Variants in CPE observed in about 807,000 individuals in gnomAD.
CPE encodes carboxypeptidase E, also known as carbocypeptidase E.
CPE carries 17 observed loss-of-function variants against 53.5 expected under a neutral mutation model. The ratio of observed to expected loss-of-function variants is 0.32; its 90% CI spans 0.22 to 0.48. The LOEUF (loss-of-function observed/expected upper bound fraction) is 0.48. Among genes scored for constraint, CPE ranks in the 20% least tolerant of loss-of-function variants. CPE has a pLI of 0.99. For missense variants in CPE, 524 were observed against 614.7 expected (o/e 0.85, Z 1.56); for synonymous variants, 226 against 228.8 (o/e 0.99, Z 0.11).
At chr4:165,487,324 C>T in intron 5 of CPE, 114 bp from the exon 6 acceptor site, 1 of 1,412,132 alleles carries the variant, frequency 7.1e-7, no homozygotes, top group Non-Finnish European at 9.6e-7. Flanking sequence ...CCACAGGCTT[C>T]CCAAATGCCC....
chr4:165,496,414 T>C (rs1732706480), intron 8 of CPE, among the ~76,000 whole-genome samples: 1 of 152,214 alleles, frequency 6.6e-6, no homozygotes, highest in African/African-American at 2.4e-5. Flanking sequence ...TTGGGCTGTA[T>C]ATGTATTAAA....
rs1233798757 is a variant in CPE at position 165,414,684 on chromosome 4, A to AAT, written c.307+35168_307+35169dup. 2.5e-4 allele frequency among the ~76,000 whole-genome samples: 35 copies of AAT among 141,508 alleles called. No homozygotes were observed. In the East Asian group the frequency reaches 3.9e-3, roughly 16 times the overall value. The allele number at this position is 141,508 out of a possible 152,430, so 92.8% of individuals were successfully genotyped here. A position where few individuals can be genotyped will look rare whatever the true frequency, so the allele number is the denominator to read the frequency against. On this transcript the variant is annotated intron_variant, in intron 1 of 8. Coordinates refer to ENST00000402744, the MANE Select transcript of CPE (RefSeq NM_001873.4). The stretch of plus-strand genomic sequence containing the variant: ...GATAACGTAGATATAGAGATAAAGT[A>AAT]ATATATATATATACACACACACACA...
At position 165,484,575 on chromosome 4, in the gene CPE, A is replaced by G; in HGVS notation, c.944A>G (p.Asn315Ser). ...DDSSFVDGTT[N>S]GGAWYSVPGG... Reference sequence around the variant, plus strand: ...AGCAGCTTTGTAGATGGAACCACCAACGGTGGTGCTTGGTACAGCGTACCT... The same window carrying G: ...AGCAGCTTTGTAGATGGAACCACCAGCGGTGGTGCTTGGTACAGCGTACCT... Residue 315 changes from asparagine (N) to serine (S), a missense_variant, in exon 5 of 9, where the codon AAC (asparagine) becomes AGC (serine). Physicochemically the swap from Asn to Ser is conservative, Grantham distance 46. Coordinates refer to ENST00000402744, the MANE Select transcript of CPE (RefSeq NM_001873.4). 1 of 1,614,040 alleles carries G rather than the reference A, an allele frequency of 6.2e-7. No homozygotes were observed. The highest frequency in any genetic ancestry group is 8.5e-7 in the Non-Finnish European group (1 of 1,179,912).
intron 1 of CPE, among the ~76,000 whole-genome samples, chr4:165,424,676 G>A (rs111637050): frequency 0.013 from 1,921 of 151,852 alleles, 29 homozygotes; most frequent in African/African-American, 0.033. Context: ...TGGGATTACA[G>A]GCGCCCGCCA....
chr4:165,464,354 T>C, intron 1 of CPE, 36 bp from the exon 2 acceptor site: 4 of 1,522,422 alleles, frequency 2.6e-6, no homozygotes, highest in South Asian at 1.3e-5. Context: ...CTGTATGTCA[T>C]AGAAAACATC....
intron 1 of CPE, chr4:165,405,960 T>G (rs1730946370): frequency 2.7e-6 from 2 of 732,426 alleles, no homozygotes; most frequent in African/African-American, 1.7e-5. Flanking sequence ...TTTTCAAGTT[T>G]CTCAAATGTT....
intron 1 of CPE, among the ~76,000 whole-genome samples, chr4:165,442,712 C>G (rs74886969): frequency 6.6e-6 from 1 of 152,206 alleles, no homozygotes; most frequent in Non-Finnish European, 1.5e-5. Flanking sequence ...ATTGCCACCA[C>G]TGCAGAAAGT....
intron 1 of CPE, among the ~76,000 whole-genome samples, chr4:165,429,995 T>G (rs17046421): frequency 0.3 from 44,839 of 151,892 alleles, 6,711 homozygotes; most frequent in Middle Eastern, 0.39. Context: ...GCAGGTAATT[T>G]TCATGTACCT....
At chr4:165,491,582 T>C (rs1364363448) in intron 6 of CPE, among the ~76,000 whole-genome samples, 1 of 152,200 alleles carries the variant, frequency 6.6e-6, no homozygotes, top group Non-Finnish European at 1.5e-5. Flanking sequence ...TTATTAGTTA[T>C]GGAGAAAAGT....
chr4:165,427,915 G>A lies in CPE; in HGVS notation c.308-36475G>A, dbSNP rs1219418567. Among the ~76,000 whole-genome samples, 9 of 152,112 alleles carry A rather than the reference G, an allele frequency of 5.9e-5. No homozygotes were observed. In the East Asian group the frequency reaches 1.5e-3, roughly 26 times the overall value. On this transcript the variant is annotated intron_variant, in intron 1 of 8. Transcript: ENST00000402744. ...GTGAATTTGTATTGCATTCTGTAAT[G>A]TATAAATAATGTTGTTTATTACTTA... is the stretch of plus-strand genomic sequence containing the variant.
intron 1 of CPE, among the ~76,000 whole-genome samples, chr4:165,390,596 T>A (rs934324517): frequency 6.6e-6 from 1 of 152,204 alleles, no homozygotes; most frequent in African/African-American, 2.4e-5. Context: ...TTGGGTTGAA[T>A]GTTATTAAAT....
rs567783957 is a variant in CPE at position 165,398,502 on chromosome 4, G to A, written c.307+18974G>A. On this transcript the variant is annotated intron_variant, in intron 1 of 8. Transcript: ENST00000402744. ...TGGAGTATGTTTATCTAGAAATCAGGAAAGTTAGAAACTGAGAGTAAATAA... is the reference window on the plus strand; with the variant it reads ...TGGAGTATGTTTATCTAGAAATCAGAAAAGTTAGAAACTGAGAGTAAATAA... Among the ~76,000 whole-genome samples the A allele has an allele frequency of 4.3e-4, 65 of 152,248 alleles. 1 individual carries two copies. In the South Asian group the frequency reaches 0.013, roughly 31 times the overall value.
At chr4:165,412,481 C>T (rs1041876121) in intron 1 of CPE, among the ~76,000 whole-genome samples, 1 of 152,144 alleles carries the variant, frequency 6.6e-6, no homozygotes, top group Admixed American at 6.5e-5. Flanking sequence ...TCAATAAAGC[C>T]TATGAATCAG....
intron 1 of CPE, among the ~76,000 whole-genome samples, chr4:165,410,099 A>G (rs1384553850): frequency 6.6e-6 from 1 of 151,988 alleles, no homozygotes; most frequent in Non-Finnish European, 1.5e-5. Context: ...AAATACAAAA[A>G]TTAGCTGGGT....
intron 1 of CPE, among the ~76,000 whole-genome samples, chr4:165,458,398 G>A (rs1056290021): frequency 6.6e-6 from 1 of 152,134 alleles, no homozygotes; most frequent in Non-Finnish European, 1.5e-5. Context: ...CCAGCTCCAA[G>A]AATTATGTAA....
At chr4:165,392,339 T>C (rs1216746856) in intron 1 of CPE, among the ~76,000 whole-genome samples, 20 of 146,524 alleles carry the variant, frequency 1.4e-4, no homozygotes, top group African/African-American at 4.7e-4. Flanking sequence ...GATATATGTA[T>C]ATGTAATATG....
Position 165,425,632 on chromosome 4 carries a change from T to C in CPE, c.308-38758T>C, listed in dbSNP as rs62352310. On this transcript the variant is annotated intron_variant, in intron 1 of 8. Coordinates refer to ENST00000402744, the MANE Select transcript of CPE (RefSeq NM_001873.4). ...CAAATCATCCAAAGATTGATGAAAATCAAATGTTTAAAAGCAAATATTTCC... is the reference window on the plus strand; with the variant it reads ...CAAATCATCCAAAGATTGATGAAAACCAAATGTTTAAAAGCAAATATTTCC... Among the ~76,000 whole-genome samples, 1,052 of 149,448 alleles carry C rather than the reference T, an allele frequency of 7.0e-3. 5 individuals carry two copies. Among genetic ancestry groups the C allele is most frequent in the Non-Finnish European group, 0.012 (796 of 67,650 alleles).
intron 1 of CPE, among the ~76,000 whole-genome samples, chr4:165,427,509 G>A (rs1391061828): frequency 1.3e-5 from 2 of 152,004 alleles, no homozygotes; most frequent in African/African-American, 4.8e-5. Flanking sequence ...TTATGGACAT[G>A]GCATAATTTA....
At chr4:165,388,053 A>G (rs775387183) in intron 1 of CPE, among the ~76,000 whole-genome samples, 12 of 152,204 alleles carry the variant, frequency 7.9e-5, no homozygotes, top group Non-Finnish European at 1.3e-4. Flanking sequence ...GATTGGACCT[A>G]TCCAATTTCT....
Sources: gnomAD v4.1 joint callset for allele counts (sites outside exome capture counted in the v4.1 genomes callset) on GRCh38, gnomAD v4.1.1 for gene constraint, MANE v1.5 for transcripts, NCBI Gene and HGNC (gene_info 2026-07-23, HGNC 2026-07-21) for gene names.